SASH1: variants seen among roughly 807,000 people sequenced by gnomAD.
The protein encoded by SASH1 is SAM and SH3 domain containing 1, also known as SAM and SH3 domain-containing protein 1.
SASH1 carries 44 observed loss-of-function variants against 125.2 expected under a neutral mutation model. That is an observed-to-expected ratio of 0.35 (90% CI 0.28 to 0.45). The LOEUF (loss-of-function observed/expected upper bound fraction) is 0.45. Among genes scored for constraint, SASH1 ranks in the 20% least tolerant of loss-of-function variants. The pLI is 1.00. For missense variants in SASH1, 1,426 were observed against 1,614.5 expected (o/e 0.88, Z 2.00); for synonymous variants, 639 against 649.1 (o/e 0.98, Z 0.24).
At chr6:148,205,227 G>A in the SASH1 span, among the ~76,000 whole-genome samples, 5 of 152,196 alleles carry the variant, frequency 3.3e-5, 1 homozygote, top group African/African-American at 4.8e-5. Flanking sequence ...GAAGTGGTCC[G>A]CATACCTGGC....
At chr6:148,500,737 CTT>C in intron 8 of SASH1, among the ~76,000 whole-genome samples, 1 of 152,022 alleles carries the variant, frequency 6.6e-6, no homozygotes, top group East Asian at 1.9e-4. Context: ...AGCTTTCTCT[CTT>C]TGGTTGCTCT....
intron 7 of SASH1, among the ~76,000 whole-genome samples, chr6:148,476,127 G>A (rs189253167): frequency 2.8e-4 from 42 of 152,124 alleles, no homozygotes; most frequent in African/African-American, 9.9e-4. Flanking sequence ...CTGTGTATGT[G>A]TTCAGCAACA....
intron 7 of SASH1, among the ~76,000 whole-genome samples, chr6:148,485,813 G>C (rs953365389): frequency 3.3e-5 from 5 of 152,116 alleles, no homozygotes; most frequent in South Asian, 2.1e-4. Flanking sequence ...CAGGGCTTCG[G>C]GATTGTCCAG....
At chr6:148,230,558 T>C in the SASH1 span, among the ~76,000 whole-genome samples, 3 of 152,220 alleles carry the variant, frequency 2.0e-5, no homozygotes, top group Non-Finnish European at 4.4e-5. Flanking sequence ...TTAACATTGT[T>C]AGACATTGTC....
intron 2 of SASH1, among the ~76,000 whole-genome samples, chr6:148,394,722 G>A (rs932279861): frequency 1.3e-5 from 2 of 151,920 alleles, no homozygotes; most frequent in Non-Finnish European, 1.5e-5. Context: ...TCAGCTCACC[G>A]CAATTTCTGC....
chr6:148,337,105 C>A (rs143985738), intron 1 of SASH1, among the ~76,000 whole-genome samples: 45 of 152,288 alleles, frequency 3.0e-4, no homozygotes, highest in African/African-American at 1.1e-3. Flanking sequence ...TGTTGCCAGG[C>A]TGCAGTGCAA....
At chr6:148,216,158 C>T in the SASH1 span, among the ~76,000 whole-genome samples, 1 of 152,122 alleles carries the variant, frequency 6.6e-6, no homozygotes, top group South Asian at 2.1e-4. Context: ...AAACCTTTTC[C>T]CTGGCAGAAC....
chr6:148,471,430 G>C lies in SASH1; in HGVS notation c.441G>C (p.Trp147Cys), dbSNP rs555435484. 1.6e-6 allele frequency: 2 copies of C among 1,265,566 alleles called. No individual in the cohort carries two copies. The highest frequency in any genetic ancestry group is 1.6e-5 in the African/African-American group (1 of 63,182). 78.4% of individuals were successfully genotyped at this position (1,265,566 alleles called of 1,614,324 possible). Residue 147 changes from tryptophan to cysteine, a missense_variant, in exon 6 of 20, where the codon TGG becomes TGC. Physicochemically the swap from Trp to Cys is radical, Grantham distance 215 (BLOSUM62 -2). Coordinates refer to ENST00000367467, the MANE Select transcript of SASH1 (RefSeq NM_015278.5). ...TTTTTTTTTAAGGAAAAGGAGACTGGAAGAAGAAAAATAAGTATTTCTGGC... is the reference window on the plus strand; with the variant it reads ...TTTTTTTTTAAGGAAAAGGAGACTGCAAGAAGAAAAATAAGTATTTCTGGC... ...SEDSSVGKGD[W>C]KKKNKYFWQN...
the SASH1 span, among the ~76,000 whole-genome samples, chr6:148,206,775 G>A: frequency 6.8e-6 from 1 of 147,520 alleles, no homozygotes; most frequent in Non-Finnish European, 1.5e-5. Flanking sequence ...AAGCAACAGA[G>A]TGAGACTCCA....
chr6:148,265,545 G>A, the SASH1 span, among the ~76,000 whole-genome samples: 1 of 152,156 alleles, frequency 6.6e-6, no homozygotes, highest in Non-Finnish European at 1.5e-5. Context: ...TTCTTCACCT[G>A]ATGTACTTTG....
the SASH1 span, among the ~76,000 whole-genome samples, chr6:148,229,159 A>T: frequency 6.8e-6 from 1 of 146,824 alleles, no homozygotes; most frequent in Non-Finnish European, 1.5e-5. Context: ...AAAAAAAAAC[A>T]CTTAACTGGC....
chr6:148,436,801 A>G (rs572118070), intron 2 of SASH1, among the ~76,000 whole-genome samples: 3 of 152,258 alleles, frequency 2.0e-5, no homozygotes, highest in Non-Finnish European at 4.4e-5. Flanking sequence ...TCATATTCAC[A>G]GAACCTGTGA....
the SASH1 span, among the ~76,000 whole-genome samples, chr6:148,255,696 G>A: frequency 6.6e-6 from 1 of 151,912 alleles, no homozygotes; most frequent in African/African-American, 2.4e-5. Flanking sequence ...GGAGTGCAGT[G>A]GCGTGGTGCC....
intron 1 of SASH1, chr6:148,272,440 G>T: frequency 2.2e-6 from 1 of 461,910 alleles, no homozygotes; most frequent in Non-Finnish European, 4.5e-6. Context: ...CATTTAGACT[G>T]ATATATTCAG....
At chr6:148,255,387 G>A in the SASH1 span, among the ~76,000 whole-genome samples, 1 of 152,138 alleles carries the variant, frequency 6.6e-6, no homozygotes, top group African/African-American at 2.4e-5. Flanking sequence ...TATTGGATTA[G>A]GGCTCCCAAC....
At chr6:148,320,407 A>C (rs1223737636) in intron 1 of SASH1, among the ~76,000 whole-genome samples, 2 of 152,226 alleles carry the variant, frequency 1.3e-5, no homozygotes, top group African/African-American at 4.8e-5. Flanking sequence ...TGACCTTCAC[A>C]TTAGTGAAGT....
intron 1 of SASH1, among the ~76,000 whole-genome samples, chr6:148,324,306 T>C (rs1780740147): frequency 6.6e-6 from 1 of 152,222 alleles, no homozygotes; most frequent in East Asian, 1.9e-4. Context: ...AGATTATCCA[T>C]GAGCTGTGGA....
rs760105778 is a variant in SASH1 at position 148,548,267 on chromosome 6, C to G, written c.3481-28C>G. 3 of 1,586,128 alleles carry G rather than the reference C, an allele frequency of 1.9e-6. No individual in the cohort carries two copies. The South Asian group carries it at 3.5e-5, about 18-fold the overall frequency. On this transcript the variant is annotated intron_variant, in intron 19 of 19. Transcript: ENST00000367467. ...GTCCTCGATGACACATGGAGCGTTT[C>G]TATCATATTCTTTCTTAATTTATCC...
intron 8 of SASH1, among the ~76,000 whole-genome samples, chr6:148,512,069 A>G (rs1780174764): frequency 6.6e-6 from 1 of 151,494 alleles, no homozygotes; most frequent in African/African-American, 2.4e-5. Flanking sequence ...CCCAGGCTGG[A>G]GTGCAGTGGC....
Sources: gnomAD v4.1 joint callset for allele counts (sites outside exome capture counted in the v4.1 genomes callset) on GRCh38, gnomAD v4.1.1 for gene constraint, MANE v1.5 for transcripts, NCBI Gene and HGNC (gene_info 2026-07-23, HGNC 2026-07-21) for gene names.